The following GLRA2 variants were observed in gnomAD, a reference collection of about 807,000 sequenced individuals.
GLRA2 encodes glycine receptor alpha 2, also known as glycine receptor subunit alpha-2.
In GLRA2, 11 loss-of-function variants were observed where a neutral mutation model predicts 31.6. The observed-to-expected ratio is 0.35, with a 90% CI of 0.22 to 0.58. GLRA2 has a LOEUF of 0.58. GLRA2 is among the 20% of genes least tolerant of loss of function. The pLI is 0.84. For synonymous variants in GLRA2, 132 were observed against 134.0 expected (o/e 0.99, Z 0.10); for missense variants, 212 against 351.8 (o/e 0.60, Z 3.18).
chrX:14,534,274 CTT>C (rs1194884001), intron 2 of GLRA2, among the ~76,000 whole-genome samples: 1 of 107,407 alleles, frequency 9.3e-6, no homozygotes, highest in East Asian at 2.9e-4. Flanking sequence ...ATTTTAATGA[CTT>C]ATAAAAAAGA....
intron 7 of GLRA2, among the ~76,000 whole-genome samples, chrX:14,649,987 C>G (rs911334336): frequency 4.5e-5 from 5 of 111,865 alleles, no homozygotes; most frequent in Non-Finnish European, 7.5e-5. Flanking sequence ...AAATAATATT[C>G]AAGCCCAGGT....
Position 14,683,089 on chromosome X carries a change from T to C in GLRA2, c.931-7621T>C, listed in dbSNP as rs773410584. On this transcript the variant is annotated intron_variant, in intron 7 of 8. Coordinates refer to ENST00000218075, the MANE Select transcript of GLRA2 (RefSeq NM_002063.4). ...CCAGTAATGGGGTGGCTGGGTCAAA[T>C]GGTATTTCTAGTTCTAAATCCTTGA... Among the ~76,000 whole-genome samples, 481 of 111,917 alleles carry C rather than the reference T, an allele frequency of 4.3e-3. 6 individuals are homozygous for C. Among genetic ancestry groups the C allele is most frequent in the African/African-American group, 0.015 (461 of 30,819 alleles).
chrX:14,567,062 A>G (rs1349971589), intron 2 of GLRA2, among the ~76,000 whole-genome samples: 1 of 111,731 alleles, frequency 9.0e-6, no homozygotes, highest in African/African-American at 3.3e-5. Flanking sequence ...GGCAGCCCCA[A>G]AGCGTACAGA....
chrX:14,667,137 G>C (rs2091045170), intron 7 of GLRA2, among the ~76,000 whole-genome samples: 2 of 111,942 alleles, frequency 1.8e-5, no homozygotes, highest in African/African-American at 6.5e-5. Context: ...AAATTGAGAT[G>C]AGAATTTATT....
intron 7 of GLRA2, among the ~76,000 whole-genome samples, chrX:14,645,311 T>A (rs1343088805): frequency 1.8e-5 from 2 of 111,874 alleles, no homozygotes. Context: ...TAGTCTTCCT[T>A]TCCTTATACT....
At chrX:14,481,415 A>G in the GLRA2 span, among the ~76,000 whole-genome samples, 1 of 111,229 alleles carries the variant, frequency 9.0e-6, no homozygotes, top group African/African-American at 3.3e-5. Context: ...ATTGAGGTCA[A>G]TAGCGAGTTA....
intron 7 of GLRA2, among the ~76,000 whole-genome samples, chrX:14,659,473 T>C: frequency 8.9e-6 from 1 of 111,732 alleles, no homozygotes; most frequent in East Asian, 2.8e-4. Flanking sequence ...ATTAACAGCT[T>C]TTGAATCATT....
chrX:14,458,982 C>T, the GLRA2 span, among the ~76,000 whole-genome samples: 47 of 111,758 alleles, frequency 4.2e-4, no homozygotes, highest in Admixed American at 2.6e-3. Flanking sequence ...CCTAGGTTTT[C>T]TTCTAGGGTT....
chrX:14,549,982 G>T (rs769412853), intron 2 of GLRA2, among the ~76,000 whole-genome samples: 1 of 110,866 alleles, frequency 9.0e-6, no homozygotes, highest in African/African-American at 3.3e-5. Context: ...AGGGAAGAGG[G>T]AGTTTTGCAG....
intron 7 of GLRA2, among the ~76,000 whole-genome samples, chrX:14,688,229 G>C (rs1265423145): frequency 9.0e-6 from 1 of 111,632 alleles, no homozygotes; most frequent in African/African-American, 3.3e-5. Context: ...GTGCCTCCCA[G>C]TTAGGCTACT....
chrX:14,707,653 T>TGAAACTTCTGTTGCC (rs2091645176), intron 8 of GLRA2, among the ~76,000 whole-genome samples: 1 of 105,564 alleles, frequency 9.5e-6, no homozygotes, highest in Non-Finnish European at 1.9e-5. Flanking sequence ...TACTACTTTG[T>TGAAACTTCTGTTGCC]GAAACTTTTG....
intron 7 of GLRA2, among the ~76,000 whole-genome samples, chrX:14,620,359 A>G (rs970389551): frequency 9.1e-6 from 1 of 109,439 alleles, no homozygotes; most frequent in African/African-American, 3.3e-5. Flanking sequence ...ATTCTGATAA[A>G]GGTGTCTAAA....
chrX:14,694,787 C>T (rs1203316635), intron 8 of GLRA2, among the ~76,000 whole-genome samples: 1 of 112,526 alleles, frequency 8.9e-6, no homozygotes, highest in Non-Finnish European at 1.9e-5. Context: ...ATGAAACTTA[C>T]ATTCTAGTGG....
At chrX:14,605,354 C>T (rs2090323271) in intron 5 of GLRA2, among the ~76,000 whole-genome samples, 1 of 111,885 alleles carries the variant, frequency 8.9e-6, no homozygotes, top group African/African-American at 3.2e-5. Context: ...TCCCTTGAAA[C>T]ATCCCAGAGA....
chrX:14,618,688 C>G (rs1170384256), intron 7 of GLRA2, among the ~76,000 whole-genome samples: 1 of 111,396 alleles, frequency 9.0e-6, no homozygotes, highest in Non-Finnish European at 1.9e-5. Context: ...AAAGTGTCAG[C>G]TGGGATGAGG....
rs774948777 is a variant in GLRA2 at position 14,568,918 on chromosome X, CA to C, written c.203-5412del. On this transcript the variant is annotated intron_variant, in intron 2 of 8. Coordinates refer to ENST00000218075, the MANE Select transcript of GLRA2 (RefSeq NM_002063.4). ...GGCAATTGATCCTTGGATATGAAACCAAAGCATAAGAAACAAAAGAAAAAAT... is the reference window on the plus strand; with the variant it reads ...GGCAATTGATCCTTGGATATGAAACCAAGCATAAGAAACAAAAGAAAAAAT... Among the ~76,000 whole-genome samples the C allele has an allele frequency of 1.4e-4, 16 of 110,949 alleles. No homozygotes were observed. In the South Asian group the frequency reaches 5.7e-3, roughly 40 times the overall value.
chrX:14,475,800 T>C, the GLRA2 span, among the ~76,000 whole-genome samples: 1 of 111,992 alleles, frequency 8.9e-6, no homozygotes, highest in Non-Finnish European at 1.9e-5. Flanking sequence ...ATTTTTTAAA[T>C]GCTGATAAGT....
intron 7 of GLRA2, among the ~76,000 whole-genome samples, chrX:14,660,648 C>T (rs962929829): frequency 1.8e-5 from 2 of 111,490 alleles, no homozygotes; most frequent in African/African-American, 6.5e-5. Flanking sequence ...AGATTGGGAC[C>T]GGTGGCTAGC....
At chrX:14,640,831 G>C (rs2090764566) in intron 7 of GLRA2, among the ~76,000 whole-genome samples, 1 of 110,618 alleles carries the variant, frequency 9.0e-6, no homozygotes. Context: ...TGAAAATTTG[G>C]TACATACTTT....
Sources: gnomAD v4.1 joint callset for allele counts (sites outside exome capture counted in the v4.1 genomes callset) on GRCh38, gnomAD v4.1.1 for gene constraint, MANE v1.5 for transcripts, NCBI Gene and HGNC (gene_info 2026-07-23, HGNC 2026-07-21) for gene names.